The following CEP128 variants were observed in gnomAD, a reference collection of about 807,000 sequenced individuals.
CEP128 encodes centrosomal protein 128, also known as centrosomal protein 128kDa.
A neutral mutation model predicts 156.7 loss-of-function variants in CEP128; 132 were observed. The observed-to-expected ratio is 0.84, with a 90% CI of 0.73 to 0.97. CEP128 has a LOEUF of 0.97. Ranked by LOEUF, CEP128 falls within the 50% of genes least tolerant of loss-of-function variation. CEP128 has a pLI of 0.00. For missense variants in CEP128, 1,252 were observed against 1,281.9 expected (o/e 0.98, Z 0.36); for synonymous variants, 469 against 448.9 (o/e 1.04, Z -0.57).
chr14:80,757,130 T>A (rs1215653422), intron 17 of CEP128, among the ~76,000 whole-genome samples, 179 bp from the exon 18 acceptor site: 1 of 152,248 alleles, frequency 6.6e-6, no homozygotes, highest in Non-Finnish European at 1.5e-5. Context: ...TATGCCTTTT[T>A]ATGTATGTAT....
chr14:80,928,989 T>C (rs1885296476), intron 2 of CEP128, among the ~76,000 whole-genome samples: 1 of 151,806 alleles, frequency 6.6e-6, no homozygotes, highest in African/African-American at 2.4e-5. Flanking sequence ...AACAAAGGGC[T>C]AATATCCAGA....
chr14:80,623,352 T>C (rs1259922542), intron 19 of CEP128, among the ~76,000 whole-genome samples: 3 of 151,526 alleles, frequency 2.0e-5, no homozygotes, highest in East Asian at 3.9e-4. Flanking sequence ...GAGATATACC[T>C]AATGTTAAAT....
chr14:80,709,040 G>A (rs1897313430), intron 19 of CEP128, among the ~76,000 whole-genome samples: 1 of 151,348 alleles, frequency 6.6e-6, no homozygotes, highest in African/African-American at 2.4e-5. Flanking sequence ...GTTTTAGGCT[G>A]GGTGTGGTAG....
chr14:80,695,865 T>C (rs935808116), intron 19 of CEP128, among the ~76,000 whole-genome samples: 2 of 152,190 alleles, frequency 1.3e-5, no homozygotes, highest in African/African-American at 4.8e-5. Flanking sequence ...TTACCTCTTA[T>C]GCTTCAAAAA....
At chr14:80,493,020 T>G (rs186769723), downstream of CEP128, among the ~76,000 whole-genome samples, 1 of 152,170 alleles carries the variant, frequency 6.6e-6, no homozygotes, top group Admixed American at 6.6e-5. Flanking sequence ...TCCAATTAAG[T>G]ATACAGCTAA....
intron 14 of CEP128, among the ~76,000 whole-genome samples, chr14:80,787,950 C>T (rs1371752192): frequency 2.0e-5 from 3 of 152,142 alleles, no homozygotes; most frequent in Non-Finnish European, 2.9e-5. Context: ...TATAACTCTC[C>T]ATCTTTTGCT....
At chr14:80,598,125 T>C (rs1892422408) in intron 19 of CEP128, among the ~76,000 whole-genome samples, 1 of 151,350 alleles carries the variant, frequency 6.6e-6, no homozygotes, top group African/African-American at 2.4e-5. Context: ...AATAAAGGCA[T>C]AGAGATTGGA....
chr14:80,647,051 A>G (rs1178908049), intron 19 of CEP128, among the ~76,000 whole-genome samples: 1,241 of 8,028 alleles, frequency 0.15, 107 homozygotes, highest in Admixed American at 0.2. Flanking sequence ...ATATATATAT[A>G]TATATATATA....
intron 8 of CEP128, among the ~76,000 whole-genome samples, chr14:80,864,707 C>T (rs533280013): frequency 8.5e-5 from 13 of 152,060 alleles, no homozygotes; most frequent in Non-Finnish European, 1.9e-4. Flanking sequence ...CAGGCACCTG[C>T]CACCACGCCT....
chr14:80,817,221 T>TA (rs953452186), intron 13 of CEP128, among the ~76,000 whole-genome samples: 10 of 151,678 alleles, frequency 6.6e-5, no homozygotes, highest in African/African-American at 2.2e-4. Context: ...ACTAAACTAC[T>TA]AAAAAAAACC....
chr14:80,729,058 G>GTGGGT (rs1344457542), intron 19 of CEP128, among the ~76,000 whole-genome samples: 2 of 105,056 alleles, frequency 1.9e-5, no homozygotes, highest in African/African-American at 5.0e-5. Context: ...GGCTGGTGGG[G>GTGGGT]GTGTGTGTGT....
downstream of CEP128, among the ~76,000 whole-genome samples, chr14:80,492,872 G>A (rs1042764941): frequency 5.9e-5 from 9 of 151,942 alleles, no homozygotes; most frequent in African/African-American, 2.2e-4. Context: ...AGTGACTAAG[G>A]AACATTTATC....
intron 6 of CEP128, among the ~76,000 whole-genome samples, chr14:80,490,874 ATTTG>A (rs1227506241): frequency 1.3e-5 from 2 of 150,086 alleles, no homozygotes; most frequent in Non-Finnish European, 3.0e-5. Context: ...GGGTTCTTGA[ATTTG>A]ACCATTGATC....
intron 20 of CEP128, among the ~76,000 whole-genome samples, chr14:80,578,813 G>A (rs559191306): frequency 1.2e-4 from 19 of 152,202 alleles, no homozygotes; most frequent in African/African-American, 4.3e-4. Flanking sequence ...TGTGCATTCC[G>A]AGAGTTCCTT....
At chr14:80,657,088 T>A (rs1489569360) in intron 19 of CEP128, among the ~76,000 whole-genome samples, 1 of 151,898 alleles carries the variant, frequency 6.6e-6, no homozygotes, top group Non-Finnish European at 1.5e-5. Flanking sequence ...TGAAACCCCG[T>A]CACTACTAAA....
intron 16 of CEP128, among the ~76,000 whole-genome samples, chr14:80,765,847 AAC>A (rs951140296): frequency 6.6e-6 from 1 of 152,184 alleles, no homozygotes; most frequent in African/African-American, 2.4e-5. Context: ...ACAACCCCAT[AAC>A]CTGATCCCCT....
intron 8 of CEP128, among the ~76,000 whole-genome samples, chr14:80,877,596 C>T (rs1159052362): frequency 6.6e-6 from 1 of 152,150 alleles, no homozygotes; most frequent in African/African-American, 2.4e-5. Context: ...GCAATGAGAA[C>T]AGCAAGGTAG....
chr14:80,620,796 G>A (rs1893446587), intron 19 of CEP128, among the ~76,000 whole-genome samples: 1 of 152,264 alleles, frequency 6.6e-6, no homozygotes, highest in South Asian at 2.1e-4. Context: ...CTTTAAGTCA[G>A]GTAGATATGC....
At position 80,647,037 on chromosome 14, in the gene CEP128, G is replaced by GTA. The variant is rs60895994; in HGVS notation, c.2807-66616_2807-66615dup. On this transcript the variant is annotated intron_variant, in intron 19 of 24. Coordinates refer to ENST00000555265, the MANE Select transcript of CEP128 (RefSeq NM_152446.5). ...TGTGTGTGTATATATATGTGTGCAT[G>GTA]TATATATATATATATATATATATAT... is the stretch of plus-strand genomic sequence containing the variant. Among the ~76,000 whole-genome samples the GTA allele has an allele frequency of 7.0e-4, 49 of 69,576 alleles. 1 individual carries two copies. The highest frequency in any genetic ancestry group is 7.4e-3 in the Middle Eastern group (1 of 136). 45.6% of individuals were successfully genotyped at this position (69,576 alleles called of 152,430 possible).
Sources: allele counts gnomAD v4.1 joint callset (sites outside exome capture counted in the v4.1 genomes callset), GRCh38; gene constraint gnomAD v4.1.1; transcripts MANE v1.5; gene names NCBI Gene and HGNC (gene_info 2026-07-23, HGNC 2026-07-21).